Variants in COL5A2 observed in about 807,000 individuals in gnomAD.
COL5A2 encodes collagen alpha-2(V) chain.
Under a neutral mutation model 208.2 loss-of-function variants are expected in COL5A2, and 23 were observed. That is an observed-to-expected ratio of 0.11 (90% CI 0.08 to 0.16). The LOEUF (loss-of-function observed/expected upper bound fraction) is 0.16. COL5A2 is among the 10% of genes least tolerant of loss of function. The pLI is 1.00. For synonymous variants in COL5A2, 625 were observed against 628.5 expected (o/e 0.99, Z 0.08); for missense variants, 1,590 against 1,956.4 (o/e 0.81, Z 3.53).
the COL5A2 span, among the ~76,000 whole-genome samples, chr2:189,236,980 T>C: frequency 6.6e-6 from 1 of 151,948 alleles, no homozygotes; most frequent in Middle Eastern, 3.4e-3. Flanking sequence ...TTCTTCTAAA[T>C]GCCATACTTC....
the COL5A2 span, among the ~76,000 whole-genome samples, chr2:189,436,613 A>G: frequency 6.6e-6 from 1 of 152,180 alleles, no homozygotes; most frequent in East Asian, 1.9e-4. Context: ...ATGCCCATCA[A>G]TGATAGACTG....
At chr2:189,072,566 G>T (rs544994394) in intron 17 of COL5A2, among the ~76,000 whole-genome samples, 1 of 152,096 alleles carries the variant, frequency 6.6e-6, no homozygotes, top group African/African-American at 2.4e-5. Context: ...GAGGTCAGGA[G>T]TTCGAGACCA....
intron 12 of COL5A2, 68 bp from the exon 13 acceptor site, chr2:189,081,111 A>AT (rs1168791098): frequency 3.0e-5 from 40 of 1,314,700 alleles, no homozygotes; most frequent in African/African-American, 1.3e-4. Flanking sequence ...TTAATATATC[A>AT]TTTTTTCCCA....
the COL5A2 span, among the ~76,000 whole-genome samples, chr2:189,314,579 CA>C: frequency 3.3e-5 from 5 of 151,878 alleles, no homozygotes; most frequent in African/African-American, 1.2e-4. Flanking sequence ...AAGAAATAAC[CA>C]AAAACACAGC....
the COL5A2 span, among the ~76,000 whole-genome samples, chr2:189,428,907 A>G: frequency 2.6e-5 from 4 of 152,232 alleles, no homozygotes; most frequent in African/African-American, 7.2e-5. Context: ...TAAAAAGTCA[A>G]TGTCAAAAAA....
the COL5A2 span, among the ~76,000 whole-genome samples, chr2:189,351,581 T>A: frequency 1.0e-3 from 152 of 152,292 alleles, no homozygotes; most frequent in African/African-American, 3.5e-3. Context: ...AATACTTACA[T>A]ATATATTGTA....
chr2:189,207,004 T>C (rs1267458918), intron 1 of COL5A2, among the ~76,000 whole-genome samples: 2 of 152,210 alleles, frequency 1.3e-5, no homozygotes, highest in Admixed American at 6.5e-5. Flanking sequence ...CTTTTAAGAA[T>C]AACAAATGTA....
chr2:189,405,743 TG>T, the COL5A2 span, among the ~76,000 whole-genome samples: 1 of 152,190 alleles, frequency 6.6e-6, no homozygotes, highest in African/African-American at 2.4e-5. Flanking sequence ...ATGCTCACAG[TG>T]GAAAATGCAT....
chr2:189,066,325 G>T, intron 23 of COL5A2, 65 bp downstream of exon 23: 1 of 1,418,202 alleles, frequency 7.1e-7, no homozygotes, highest in Non-Finnish European at 1.0e-6. Context: ...TTTCCTTACT[G>T]TTCTCAGACT....
At position 189,041,790 on chromosome 2, in the gene COL5A2, C is replaced by T. The variant is rs115638230; in HGVS notation, c.3526-97G>A. The T allele has an allele frequency of 5.7e-3, 4,195 of 741,336 alleles. 117 individuals carry two copies. In the African/African-American group the frequency reaches 0.062, roughly 11 times the overall value. 45.9% of individuals were successfully genotyped at this position (741,336 alleles called of 1,614,324 possible). ...AACTATTTTACATATGGAGCTGTAA[C>T]AGTGATTTCTAAGATTCATTTTCTT... On this transcript the variant is annotated intron_variant, in intron 49 of 53. Transcript: ENST00000374866.
At position 189,105,693 on chromosome 2, in the gene COL5A2, T is replaced by C. The variant is rs183455809; in HGVS notation, c.323-1416A>G. On this transcript the variant is annotated intron_variant, in intron 2 of 53. Coordinates refer to ENST00000374866, the MANE Select transcript of COL5A2 (RefSeq NM_000393.5). The stretch of plus-strand genomic sequence containing the variant: ...ATTATTTTTGTACATTTTTATGCCT[T>C]CTGGGCTTTGAGTCAGAATTCATAA... Among the ~76,000 whole-genome samples, 472 of 151,610 alleles carry C rather than the reference T, an allele frequency of 3.1e-3. 5 individuals carry two copies. Among genetic ancestry groups the C allele is most frequent in the Admixed American group, 0.028 (424 of 15,204 alleles).
chr2:189,047,504 T>C (rs1459542127), intron 45 of COL5A2, among the ~76,000 whole-genome samples: 5 of 152,244 alleles, frequency 3.3e-5, no homozygotes, highest in Non-Finnish European at 1.5e-5. Flanking sequence ...ATGTATTAAT[T>C]ATATTTAAAG....
chr2:189,293,952 G>A, the COL5A2 span, among the ~76,000 whole-genome samples: 35 of 152,220 alleles, frequency 2.3e-4, no homozygotes, highest in Admixed American at 1.3e-4. Flanking sequence ...GCCGGGCATG[G>A]TGGCGGGCGC....
At chr2:189,327,605 T>C in the COL5A2 span, among the ~76,000 whole-genome samples, 1 of 152,316 alleles carries the variant, frequency 6.6e-6, no homozygotes, top group South Asian at 2.1e-4. Flanking sequence ...AATAATCAAA[T>C]TTGATGATGA....
chr2:189,311,707 G>A, the COL5A2 span: 1 of 754,000 alleles, frequency 1.3e-6, no homozygotes, highest in South Asian at 1.4e-5. Flanking sequence ...ACTGCATGGT[G>A]ACCACTGTGG....
At chr2:189,083,960 C>T in intron 12 of COL5A2, 24 bp downstream of exon 12, 1 of 1,568,992 alleles carries the variant, frequency 6.4e-7, no homozygotes, top group Non-Finnish European at 8.8e-7. Flanking sequence ...TCAAAGTTTG[C>T]CTTTATGTTG....
chr2:189,168,096 C>G (rs1315393855), intron 1 of COL5A2, among the ~76,000 whole-genome samples: 1 of 152,004 alleles, frequency 6.6e-6, no homozygotes, highest in Non-Finnish European at 1.5e-5. Context: ...CACCACCACG[C>G]CTGGCTAAAT....
Position 189,175,363 on chromosome 2 carries a change from C to T in COL5A2, c.97+4145G>A, listed in dbSNP as rs150074799. On this transcript the variant is annotated intron_variant, in intron 1 of 53. Coordinates refer to ENST00000374866, the MANE Select transcript of COL5A2 (RefSeq NM_000393.5). ...TCTATCCACATGCCTAGAAAGTACACGCAATGGCTGGAGCTTCAGCAGCCA... is the reference window on the plus strand; with the variant it reads ...TCTATCCACATGCCTAGAAAGTACATGCAATGGCTGGAGCTTCAGCAGCCA... 4.0e-3 allele frequency among the ~76,000 whole-genome samples: 609 copies of T among 151,854 alleles called. 5 individuals are homozygous for T. Among genetic ancestry groups the T allele is most frequent in the African/African-American group, 0.012 (513 of 41,392 alleles).
chr2:189,330,723 GATTAA>G, the COL5A2 span, among the ~76,000 whole-genome samples: 1 of 152,162 alleles, frequency 6.6e-6, no homozygotes, highest in Non-Finnish European at 1.5e-5. Context: ...TGAAGCTAGT[GATTAA>G]ATTAAGTACA....
Sources: allele counts gnomAD v4.1 joint callset (sites outside exome capture counted in the v4.1 genomes callset), GRCh38; gene constraint gnomAD v4.1.1; transcripts MANE v1.5; gene names NCBI Gene and HGNC (gene_info 2026-07-23, HGNC 2026-07-21).